Variants in LRMDA observed in about 807,000 individuals in gnomAD.
The protein encoded by LRMDA is leucine-rich melanocyte differentiation-associated protein.
A neutral mutation model predicts 29.8 loss-of-function variants in LRMDA; 18 were observed. The ratio of observed to expected loss-of-function variants is 0.60; its 90% CI spans 0.42 to 0.90. The LOEUF (loss-of-function observed/expected upper bound fraction) is 0.90, where lower values mean the gene tolerates loss of function less well. Among genes scored for constraint, LRMDA ranks in the 40% least tolerant of loss-of-function variants. The probability of loss-of-function intolerance (pLI) is 0.00; values close to 1 mark genes in which losing one functional copy is unlikely to be tolerated. For synonymous variants in LRMDA, 125 were observed against 109.4 expected (o/e 1.14, Z -0.89); for missense variants, 273 against 273.9 (o/e 1.00, Z 0.02).
chr10:75,594,585 C>CA (rs1216244807), intron 2 of LRMDA, among the ~76,000 whole-genome samples: 2 of 152,204 alleles, frequency 1.3e-5, no homozygotes, highest in Non-Finnish European at 2.9e-5. Context: ...AGCAAACTCT[C>CA]AATGGGCCAG....
At chr10:76,205,166 T>G (rs1434979427) in intron 5 of LRMDA, among the ~76,000 whole-genome samples, 1 of 152,112 alleles carries the variant, frequency 6.6e-6, no homozygotes, top group African/African-American at 2.4e-5. Flanking sequence ...TAAGTAACTT[T>G]CTCTGGAAAG....
At chr10:76,399,450 C>T (rs960264164) in intron 6 of LRMDA, among the ~76,000 whole-genome samples, 1 of 152,252 alleles carries the variant, frequency 6.6e-6, no homozygotes, top group African/African-American at 2.4e-5. Context: ...AGGGCATCCT[C>T]ATTCCAAGCT....
intron 2 of LRMDA, among the ~76,000 whole-genome samples, chr10:75,657,822 T>C (rs1365915885): frequency 6.6e-6 from 1 of 152,072 alleles, no homozygotes; most frequent in African/African-American, 2.4e-5. Context: ...AAGAATAGAC[T>C]CTAATAAGAA....
At chr10:76,179,240 G>T (rs539214710) in intron 5 of LRMDA, among the ~76,000 whole-genome samples, 10 of 152,224 alleles carry the variant, frequency 6.6e-5, no homozygotes, top group East Asian at 3.9e-4. Context: ...ATCAAGGAGG[G>T]GGGGGTGGTG....
chr10:76,034,819 A>G (rs1387407327), intron 2 of LRMDA, among the ~76,000 whole-genome samples: 1 of 152,100 alleles, frequency 6.6e-6, no homozygotes, highest in Non-Finnish European at 1.5e-5. Flanking sequence ...GGCATCCCCT[A>G]CGTGTCTCCC....
At chr10:76,031,373 A>T (rs940539719) in intron 2 of LRMDA, among the ~76,000 whole-genome samples, 1 of 152,238 alleles carries the variant, frequency 6.6e-6, no homozygotes, top group East Asian at 1.9e-4. Context: ...CCTCTGAAAG[A>T]ATACGAGTCT....
At chr10:76,392,770 A>C (rs1841738133) in intron 6 of LRMDA, among the ~76,000 whole-genome samples, 1 of 152,214 alleles carries the variant, frequency 6.6e-6, no homozygotes, top group Non-Finnish European at 1.5e-5. Context: ...CCTGTTGTAC[A>C]ATAGGTTTCT....
chr10:75,853,741 T>A (rs1449927661), intron 2 of LRMDA, among the ~76,000 whole-genome samples: 1 of 152,188 alleles, frequency 6.6e-6, no homozygotes, highest in Non-Finnish European at 1.5e-5. Flanking sequence ...ACTCTGTGAT[T>A]TCACAGTGAT....
At chr10:76,067,255 T>C (rs1281274482) in intron 5 of LRMDA, among the ~76,000 whole-genome samples, 1 of 152,142 alleles carries the variant, frequency 6.6e-6, no homozygotes, top group Non-Finnish European at 1.5e-5. Flanking sequence ...ATTTAAGTCT[T>C]CCTAACTGGG....
intron 6 of LRMDA, among the ~76,000 whole-genome samples, chr10:76,353,572 CAG>C (rs1379478808): frequency 3.9e-5 from 6 of 152,056 alleles, no homozygotes; most frequent in South Asian, 4.1e-4. Flanking sequence ...TGTGTACAAT[CAG>C]GGGAGACATA....
rs1840150137 is a variant in LRMDA, at chr10:76,277,503, G to A, written c.517-46898G>A. On this transcript the variant is annotated intron_variant, in intron 5 of 6. Coordinates refer to ENST00000611255, the MANE Select transcript of LRMDA (RefSeq NM_001305581.2). The stretch of plus-strand genomic sequence containing the variant: ...CTTGTTCTTACTAAGTTGTTTTATA[G>A]CATAAAGCTATTTGGATTTTTTTTT... Among the ~76,000 whole-genome samples, 2 of 152,144 alleles carry A rather than the reference G, an allele frequency of 1.3e-5. 1 individual carries two copies. Among genetic ancestry groups the A allele is most frequent in the South Asian group, 4.1e-4 (2 of 4,826 alleles).
At chr10:75,439,759 A>C (rs1844306477) in intron 2 of LRMDA, among the ~76,000 whole-genome samples, 1 of 152,232 alleles carries the variant, frequency 6.6e-6, no homozygotes, top group South Asian at 2.1e-4. Flanking sequence ...CACAGGGATG[A>C]GAGGAAGCCA....
chr10:75,858,151 C>A (rs1844858889), intron 2 of LRMDA, among the ~76,000 whole-genome samples: 1 of 152,138 alleles, frequency 6.6e-6, no homozygotes, highest in Admixed American at 6.5e-5. Context: ...TGAGGCCCCC[C>A]CGTACCAGCC....
intron 2 of LRMDA, among the ~76,000 whole-genome samples, chr10:75,635,401 A>G (rs763809251): frequency 6.6e-6 from 1 of 151,924 alleles, no homozygotes; most frequent in Non-Finnish European, 1.5e-5. Context: ...CTATTTAATG[A>G]CTTTTGAGGA....
At chr10:75,598,720 T>C (rs1840837494) in intron 2 of LRMDA, among the ~76,000 whole-genome samples, 1 of 152,212 alleles carries the variant, frequency 6.6e-6, no homozygotes. Context: ...GTTCTCCTCC[T>C]TCCGCGGTCT....
chr10:75,918,979 C>T (rs1812912241), intron 2 of LRMDA, among the ~76,000 whole-genome samples: 1 of 152,180 alleles, frequency 6.6e-6, no homozygotes, highest in South Asian at 2.1e-4. Context: ...GAGAAAATAA[C>T]AGCTTTATGA....
At chr10:75,453,318 G>C (rs558666738) in intron 2 of LRMDA, among the ~76,000 whole-genome samples, 1 of 152,290 alleles carries the variant, frequency 6.6e-6, no homozygotes, top group Middle Eastern at 3.4e-3. Flanking sequence ...TTCCTACACT[G>C]TCTTTTCTTT....
At chr10:75,495,719 G>A (rs894912528) in intron 2 of LRMDA, among the ~76,000 whole-genome samples, 1 of 152,200 alleles carries the variant, frequency 6.6e-6, no homozygotes, top group African/African-American at 2.4e-5. Context: ...CAAAAGTCAA[G>A]GCCAGTGTCA....
intron 6 of LRMDA, among the ~76,000 whole-genome samples, chr10:76,501,709 C>A (rs1842911455): frequency 6.6e-6 from 1 of 151,318 alleles, no homozygotes; most frequent in South Asian, 2.1e-4. Flanking sequence ...GGGATTATTT[C>A]TTTATTGCTT....
Sources: allele counts gnomAD v4.1 joint callset (sites outside exome capture counted in the v4.1 genomes callset), GRCh38; gene constraint gnomAD v4.1.1; transcripts MANE v1.5; gene names NCBI Gene and HGNC (gene_info 2026-07-23, HGNC 2026-07-21).